CCDC97: variants seen among roughly 807,000 people sequenced by gnomAD.
CCDC97 encodes the protein coiled-coil domain-containing protein 97.
Under a neutral mutation model 33.9 loss-of-function variants are expected in CCDC97, and 27 were observed. That is an observed-to-expected ratio of 0.80 (90% CI 0.59 to 1.10). The LOEUF is 1.10. CCDC97 is among the 50% of genes least tolerant of loss of function. The pLI, the probability that CCDC97 is intolerant of heterozygous loss-of-function variation, is 0.00. For synonymous variants in CCDC97, 217 were observed against 194.0 expected (o/e 1.12, Z -0.99); for missense variants, 422 against 476.6 (o/e 0.89, Z 1.07).
chr19:41,311,536 C>T (rs1176873244), intron 1 of CCDC97, among the ~76,000 whole-genome samples: 1 of 152,120 alleles, frequency 6.6e-6, no homozygotes, highest in Non-Finnish European at 1.5e-5. Flanking sequence ...AGTTGGAGAC[C>T]AGCCTAGCCA....
At chr19:41,317,417 G>C (rs975666135) in intron 2 of CCDC97, among the ~76,000 whole-genome samples, 1 of 152,158 alleles carries the variant, frequency 6.6e-6, no homozygotes. Flanking sequence ...AAGTTATAGA[G>C]AGGTTCACAG....
rs752245979 is a variant in CCDC97 at position 41,320,464 on chromosome 19, A to T, written c.905A>T (p.Asp302Val). ...RFLDGKDGDF[D>V]YSTVDDNPDF... is the part of the protein sequence containing the mutation. ...CTAGATGGCAAGGACGGGGACTTTG[A>T]CTACAGGTGCTCCTGTGCCTCCACC... The change falls in exon 4 of 5, where the codon GAC (aspartate) becomes GTC (valine). Residue 302 changes from aspartate (D) to valine (V), a missense_variant. Asp to Val is a radical substitution (Grantham distance 152, BLOSUM62 -3). Coordinates refer to ENST00000269967, the MANE Select transcript of CCDC97 (RefSeq NM_052848.3). The T allele has an allele frequency of 6.2e-7, 1 of 1,613,666 alleles. No homozygotes were observed. The highest frequency in any genetic ancestry group is 1.1e-5 in the South Asian group (1 of 91,070).
intron 4 of CCDC97, among the ~76,000 whole-genome samples, chr19:41,322,064 G>A (rs191277307): frequency 2.0e-5 from 3 of 152,168 alleles, no homozygotes; most frequent in Non-Finnish European, 4.4e-5. Context: ...CCCATGTGTC[G>A]CCACATTTTA....
rs201081145 is a variant in CCDC97, at chr19:41,316,683, C to T, written c.346C>T (p.Arg116Cys). ...CCTGGAGCGCTTCCGCACAGGCCTC[C>T]GTGAGGAGCATCTGGCCTGCTTTGG... The part of the protein sequence containing the change: ...VFLERFRTGL[R>C]EEHLACFGHV... Residue 116 changes from arginine (R) to cysteine (C), a missense_variant, in exon 2 of 5, where the codon CGT becomes TGT. By Grantham distance (180) the Arg-to-Cys change is radical. Coordinates refer to ENST00000269967, the MANE Select transcript of CCDC97 (RefSeq NM_052848.3). 1.5e-4 allele frequency: 246 copies of T among 1,614,062 alleles called. 5 individuals are homozygous for T. The South Asian group carries it at 1.6e-3, about 10-fold the overall frequency.
chr19:41,314,406 T>G (rs2123054052), intron 1 of CCDC97, among the ~76,000 whole-genome samples: 1 of 152,340 alleles, frequency 6.6e-6, no homozygotes, highest in South Asian at 2.1e-4. Context: ...CCTCCCAAAG[T>G]GCTGGGATTA....
intron 1 of CCDC97, among the ~76,000 whole-genome samples, chr19:41,312,816 C>G (rs537539244): frequency 2.0e-5 from 3 of 152,066 alleles, no homozygotes; most frequent in Non-Finnish European, 4.4e-5. Context: ...GACGGAGTCT[C>G]GCTCTGTTGA....
In CCDC97 at chr19:41,319,762, C is replaced by T. The variant is rs1357572445; in HGVS notation, c.691C>T (p.Arg231Trp). ...SNLLLQSYEE[R>W]ELQQRLLQQQ... ...CTTGCTGCTCCAGTCCTACGAGGAGCGGGAGCTACAGCAGCGTCTGCTCCA... is the reference window on the plus strand; with the variant it reads ...CTTGCTGCTCCAGTCCTACGAGGAGTGGGAGCTACAGCAGCGTCTGCTCCA... Residue 231 changes from arginine (R) to tryptophan (W), a missense_variant, in exon 3 of 5, where the codon CGG becomes TGG. Coordinates refer to ENST00000269967, the MANE Select transcript of CCDC97 (RefSeq NM_052848.3). The T allele has an allele frequency of 5.6e-6, 9 of 1,613,576 alleles. No homozygotes were observed. The highest frequency in any genetic ancestry group is 2.2e-5 in the East Asian group (1 of 44,876).
Position 41,320,356 on chromosome 19 carries a change from AG to A in CCDC97, c.799del (p.Asp267ThrfsTer13). 1 of 1,614,012 alleles carries A rather than the reference AG, an allele frequency of 6.2e-7. No individual in the cohort carries two copies. Among genetic ancestry groups the A allele is most frequent in the Non-Finnish European group, 8.5e-7 (1 of 1,179,976 alleles). ...DSDEEDQRSG[K>X]DSEAWVPDSE... ...CCCTCTGCAGACCAGAGGTCAGGCA[AG>A]GACTCGGAGGCCTGGGTTCCCGACT... On this transcript the variant is annotated frameshift_variant, in exon 4 of 5. Transcript: ENST00000269967. LOFTEE classifies it high-confidence loss of function.
chr19:41,319,505 CACAT>C (rs2037790729), intron 2 of CCDC97, 65 bp from the exon 3 acceptor site: 1 of 1,124,158 alleles, frequency 8.9e-7, no homozygotes, highest in South Asian at 1.4e-5. Context: ...CATGATCACA[CACAT>C]ACCCACATGG....
Position 41,316,642 on chromosome 19 carries a change from A to C in CCDC97, c.305A>C (p.Glu102Ala). The change falls in exon 2 of 5, where the codon GAG becomes GCG. Residue 102 changes from glutamate to alanine, a missense_variant. Glu to Ala is a moderately radical substitution (Grantham distance 107, BLOSUM62 -1). Transcript: ENST00000269967. Reference sequence around the variant, plus strand: ...GCCATCCTGGCCCAGCTGTACCACGAGAAGCCACTGGTGTTCCTGGAGCGC... The same window carrying C: ...GCCATCCTGGCCCAGCTGTACCACGCGAAGCCACTGGTGTTCCTGGAGCGC... ...KVAILAQLYH[E>A]KPLVFLERFR... 2 of 1,614,194 alleles carry C rather than the reference A, an allele frequency of 1.2e-6. No individual in the cohort carries two copies. The highest frequency in any genetic ancestry group is 1.7e-6 in the Non-Finnish European group (2 of 1,180,026).
chr19:41,317,278 GA>G (rs552689646), intron 2 of CCDC97, among the ~76,000 whole-genome samples: 176 of 151,874 alleles, frequency 1.2e-3, no homozygotes, highest in Non-Finnish European at 1.8e-3. Context: ...AACCATGAAG[GA>G]AAAAAAAGAT....
At position 41,310,200 on chromosome 19, in the gene CCDC97, G is replaced by A. The variant is rs898769146; in HGVS notation, c.-111G>A. On this transcript the variant is annotated 5_prime_UTR_variant, in exon 1 of 5. Transcript: ENST00000269967. ...CCCGGAACTTCGGTGCCTGGGCGCA[G>A]CGGTGCACCCGGACCCGGAACATTC... is the stretch of plus-strand genomic sequence containing the variant. The A allele has an allele frequency of 4.1e-5, 59 of 1,452,994 alleles. No individual in the cohort carries two copies. The highest frequency in any genetic ancestry group is 4.9e-5 in the Non-Finnish European group (52 of 1,062,680). 90.0% of individuals were successfully genotyped at this position (1,452,994 alleles called of 1,614,324 possible).
At position 41,310,232 on chromosome 19, in the gene CCDC97, G is replaced by C. The variant is rs1172269216; in HGVS notation, c.-79G>C. The C allele has an allele frequency of 9.1e-6, 14 of 1,541,296 alleles. No homozygotes were observed. Among genetic ancestry groups the C allele is most frequent in the East Asian group, 2.4e-5 (1 of 40,988 alleles). The stretch of plus-strand genomic sequence containing the variant: ...ACCCGGACCCGGAACATTCTCAGGC[G>C]AAAGTGTCTCTTGCGTGCGTGGGCC... On this transcript the variant is annotated 5_prime_UTR_variant, in exon 1 of 5. Transcript: ENST00000269967.
At position 41,320,474 on chromosome 19, in the gene CCDC97, C is replaced by G; in HGVS notation, c.911+4C>G. On this transcript the variant is annotated splice_donor_region_variant and intron_variant, in intron 4 of 4. Coordinates refer to ENST00000269967, the MANE Select transcript of CCDC97 (RefSeq NM_052848.3). ...AGGACGGGGACTTTGACTACAGGTG[C>G]TCCTGTGCCTCCACCTCCCCATCCC... The G allele has an allele frequency of 1.2e-6, 2 of 1,613,782 alleles. No homozygotes were observed. Among genetic ancestry groups the G allele is most frequent in the Non-Finnish European group, 8.5e-7 (1 of 1,179,846 alleles).
In CCDC97 at chr19:41,316,558, G is replaced by A. The variant is rs147264663; in HGVS notation, c.221G>A (p.Arg74His). 3.2e-4 allele frequency: 514 copies of A among 1,614,212 alleles called. 2 individuals are homozygous for A. In the African/African-American group the frequency reaches 5.6e-3, roughly 18 times the overall value. Reference sequence around the variant, plus strand: ...ATGCTGCACGCTGTAGCCGCCAGCCGCCTGCCTGTTTGCAGCCAGCAGCAG... The same window carrying A: ...ATGCTGCACGCTGTAGCCGCCAGCCACCTGCCTGTTTGCAGCCAGCAGCAG... ...SAMLHAVAASRLPVCSQQQGE... is the reference protein window; with the variant it reads ...SAMLHAVAASHLPVCSQQQGE... The change falls in exon 2 of 5, where the codon CGC becomes CAC. Residue 74 changes from arginine (R) to histidine (H), a missense_variant. By Grantham distance (29) the Arg-to-His change is conservative. Transcript: ENST00000269967.
chr19:41,311,331 T>G (rs898582460), intron 1 of CCDC97, among the ~76,000 whole-genome samples: 1 of 152,070 alleles, frequency 6.6e-6, no homozygotes, highest in Non-Finnish European at 1.5e-5. Context: ...TGCAGTGACC[T>G]AAGATTATTA....
chr19:41,324,592 C>T lies in CCDC97; in HGVS notation c.*1877C>T, dbSNP rs1568472077. ...TCATCTTGATATGGAGATCAGTCCC[C>T]AAATCACTGAATTGTCCCAGCAGTG... On this transcript the variant is annotated 3_prime_UTR_variant, in exon 5 of 5. Transcript: ENST00000269967. 6.6e-6 allele frequency: 1 copy of T among 152,258 alleles called. No homozygotes were observed. Among genetic ancestry groups the T allele is most frequent in the Non-Finnish European group, 1.5e-5 (1 of 68,086 alleles). 9.4% of individuals were successfully genotyped at this position (152,258 alleles called of 1,614,324 possible).
rs1215127497 is a variant in CCDC97, at chr19:41,323,156, T to C, written c.*441T>C. On this transcript the variant is annotated 3_prime_UTR_variant, in exon 5 of 5. Transcript: ENST00000269967. ...GCCTTTCGTGGCTGGAAGTGGCCAG[T>C]TTGGTTCCGGTGCTGACCCCTAGGC... The C allele has an allele frequency of 1.2e-5, 2 of 164,812 alleles. No homozygotes were observed. Among genetic ancestry groups the C allele is most frequent in the Non-Finnish European group, 2.7e-5 (2 of 75,396 alleles). 10.2% of individuals were successfully genotyped at this position (164,812 alleles called of 1,614,324 possible).
At chr19:41,310,730 C>G in intron 1 of CCDC97, 1 of 1,083,682 alleles carries the variant, frequency 9.2e-7, no homozygotes, top group Non-Finnish European at 1.1e-6. Context: ...TGAGCCTTCC[C>G]TTGCTCTCTA....
Sources: gnomAD v4.1 joint callset for allele counts (sites outside exome capture counted in the v4.1 genomes callset) on GRCh38, gnomAD v4.1.1 for gene constraint, MANE v1.5 for transcripts, NCBI Gene and HGNC (gene_info 2026-07-23, HGNC 2026-07-21) for gene names.